RYR1: variants seen among roughly 807,000 people sequenced by gnomAD.
RYR1 encodes the protein central core disease of muscle.
Under a neutral mutation model 583.5 loss-of-function variants are expected in RYR1, and 342 were observed. The observed-to-expected ratio is 0.59, with a 90% confidence interval of 0.54 to 0.64. The LOEUF is 0.64. Ranked by LOEUF, RYR1 falls within the 30% of genes least tolerant of loss-of-function variation. The pLI is 0.00. For synonymous variants in RYR1, 2,791 were observed against 2,822.5 expected (o/e 0.99, Z 0.35); for missense variants, 6,032 against 6,917.2 (o/e 0.87, Z 4.54).
intron 20 of RYR1, among the ~76,000 whole-genome samples, chr19:38,461,131 G>A (rs755203929): frequency 2.0e-5 from 3 of 150,028 alleles, no homozygotes; most frequent in African/African-American, 7.4e-5. Context: ...TCCAGCCTGG[G>A]CAACAGAGTG....
chr19:38,584,117 C>G (rs1974339116), intron 101 of RYR1, among the ~76,000 whole-genome samples: 1 of 151,958 alleles, frequency 6.6e-6, no homozygotes, highest in African/African-American at 2.4e-5. Context: ...ACCTGATCAC[C>G]TAGGCTGGAT....
At chr19:38,439,016 C>T (rs1972553034) in intron 1 of RYR1, among the ~76,000 whole-genome samples, 1 of 151,922 alleles carries the variant, frequency 6.6e-6, no homozygotes, top group South Asian at 2.1e-4. Context: ...CCAGCCAAGG[C>T]AGGGATCTTG....
rs538324638 is a variant in RYR1 at position 38,502,804 on chromosome 19, C to A, written c.7836-76C>A. 7 of 862,020 alleles carry A rather than the reference C, an allele frequency of 8.1e-6. No homozygotes were observed. In the Admixed American group the frequency reaches 2.7e-4, roughly 33 times the overall value. The allele number at this position is 862,020 out of a possible 1,614,324, so 53.4% of individuals were successfully genotyped here. A position where few individuals can be genotyped will look rare whatever the true frequency, so the allele number is the denominator to read the frequency against. On this transcript the variant is annotated intron_variant, in intron 48 of 105. Transcript: ENST00000359596. ...GCAGGGGCAGGGGCAGGGGCAGGGG[C>A]AGGGGGAGGAGCAGGGGCAGGGGCA...
At position 38,565,713 on chromosome 19, in the gene RYR1, C is replaced by T. The variant is rs955320442; in HGVS notation, c.13379C>T (p.Thr4460Met). 2.9e-5 allele frequency: 42 copies of T among 1,426,144 alleles called. 1 individual carries two copies. In the Admixed American group the frequency reaches 5.3e-4, roughly 18 times the overall value. The allele number at this position is 1,426,144 out of a possible 1,614,324, so 88.3% of individuals were successfully genotyped here. The change falls in exon 91 of 106, where the codon ACG (threonine) becomes ATG (methionine). Residue 4460 changes from threonine to methionine, a missense_variant. Thr to Met is a moderately conservative substitution (Grantham distance 81, BLOSUM62 -1). Coordinates refer to ENST00000359596, the MANE Select transcript of RYR1 (RefSeq NM_000540.3). This position sits in a 1 kb window ranked among gnomAD's most constrained non-coding sequence, Gnocchi z 4.7. ...GGCGGTCTCGGGGACATGGGGGACACGACGCCTGCGGAACCGCCCACACCC... is the reference window on the plus strand; with the variant it reads ...GGCGGTCTCGGGGACATGGGGGACATGACGCCTGCGGAACCGCCCACACCC... ...GAGGLGDMGD[T>M]TPAEPPTPEG... is the part of the protein sequence containing the mutation.
chr19:38,444,128 C>T lies in RYR1; in HGVS notation c.425-21C>T. 1 of 1,597,976 alleles carries T rather than the reference C, an allele frequency of 6.3e-7. No homozygotes were observed. The highest frequency in any genetic ancestry group is 1.7e-5 in the Admixed American group (1 of 59,986). On this transcript the variant is annotated intron_variant, in intron 5 of 105. Transcript: ENST00000359596. The surrounding 1 kb of genome is among the most constrained non-coding windows in gnomAD (Gnocchi z 5.1). Reference sequence around the variant, plus strand: ...GGAAGCCATCATCTGACAGCCACCCCCATTCCATCCCCACCCATAGGAGAG... The same window carrying T: ...GGAAGCCATCATCTGACAGCCACCCTCATTCCATCCCCACCCATAGGAGAG...
intron 97 of RYR1, 99 bp downstream of exon 97, chr19:38,576,060 C>A: frequency 7.0e-7 from 1 of 1,432,350 alleles, no homozygotes; most frequent in Non-Finnish European, 9.8e-7. Flanking sequence ...TGACCTTGGG[C>A]AAGAGGTTTT....
intron 29 of RYR1, 65 bp downstream of exon 29, chr19:38,475,515 A>T: frequency 6.2e-7 from 1 of 1,602,782 alleles, no homozygotes. Context: ...TGAATTTCCA[A>T]GTTTAGTGTG....
intron 39 of RYR1, 114 bp downstream of exon 39, chr19:38,494,739 T>C (rs1469918139): frequency 7.5e-7 from 1 of 1,339,636 alleles, no homozygotes; most frequent in East Asian, 2.3e-5. Context: ...GTGATCTCAG[T>C]CTCTCGATGG....
chr19:38,468,884 A>ATATCTCTCCCTCCCTGCTTCCT, intron 25 of RYR1, 82 bp from the exon 26 acceptor site: 1 of 1,435,354 alleles, frequency 7.0e-7, no homozygotes, highest in Non-Finnish European at 9.7e-7. Context: ...CTGTCTTCAT[A>ATATCTCTCCCTCCCTGCTTCCT]TATCTCTCCC....
chr19:38,566,778 T>C (rs548392764), intron 91 of RYR1, 133 bp from the exon 92 acceptor site: 1 of 1,506,358 alleles, frequency 6.6e-7, no homozygotes, highest in South Asian at 1.2e-5. Context: ...AATCTGCCTC[T>C]TTCTGGTGGA....
Position 38,500,716 on chromosome 19 carries a change from C to A in RYR1, c.7434C>A (p.Thr2478=). The A allele has an allele frequency of 1.2e-6, 2 of 1,614,136 alleles. No homozygotes were observed. Among genetic ancestry groups the A allele is most frequent in the Middle Eastern group, 1.6e-4 (1 of 6,062 alleles). The change falls in exon 46 of 106, where the codon ACC becomes ACA. Residue 2478 remains threonine, a synonymous_variant. Coordinates refer to ENST00000359596, the MANE Select transcript of RYR1 (RefSeq NM_000540.3). This position sits in a 1 kb window ranked among gnomAD's most constrained non-coding sequence, Gnocchi z 5.9. ...TCAGCCTCCCACTGCAGATTCCCAC[C>A]CTGGGCAAAGGTGCAGAGGGGATGG... ...GIISLPLQIP[T]LGKDGALVQP... is the part of the protein sequence containing the mutation.
intron 2 of RYR1, among the ~76,000 whole-genome samples, chr19:38,442,052 G>T (rs1972712648): frequency 6.6e-6 from 1 of 151,830 alleles, no homozygotes. Context: ...GGCTTCCTAT[G>T]AGATTAGGTG....
chr19:38,523,167 C>G, intron 68 of RYR1, 50 bp from the exon 69 acceptor site: 3 of 1,614,118 alleles, frequency 1.9e-6, no homozygotes, highest in Non-Finnish European at 2.5e-6. Flanking sequence ...CCGCAGCCCA[C>G]AGGCGCCTGC....
intron 60 of RYR1, 128 bp from the exon 61 acceptor site, chr19:38,511,433 C>A: frequency 1.1e-6 from 1 of 936,666 alleles, no homozygotes. Flanking sequence ...ATCATTTGGA[C>A]CCCCTCCTGG....
At chr19:38,532,404 T>G in intron 76 of RYR1, 86 bp from the exon 77 acceptor site, 394 of 1,357,298 alleles carry the variant, frequency 2.9e-4, no homozygotes, top group Non-Finnish European at 3.8e-4. Context: ...ATTACAGGCA[T>G]GAGCCACCGC....
Position 38,551,025 on chromosome 19 carries a change from C to CTTT in RYR1, c.12282+2642_12282+2644dup, listed in dbSNP as rs71165560. Among the ~76,000 whole-genome samples the CTTT allele has an allele frequency of 4.6e-4, 19 of 41,358 alleles. 6 individuals are homozygous for CTTT. The highest frequency in any genetic ancestry group is 6.9e-4 in the Non-Finnish European group (15 of 21,656). 27.1% of individuals were successfully genotyped at this position (41,358 alleles called of 152,430 possible). On this transcript the variant is annotated intron_variant, in intron 89 of 105. Coordinates refer to ENST00000359596, the MANE Select transcript of RYR1 (RefSeq NM_000540.3). The stretch of plus-strand genomic sequence containing the variant: ...CATTTATATCAGTGTGGATTCACGG[C>CTTT]TTTTTTTTTTTTTTTTTTTTTTTTT...
intron 76 of RYR1, among the ~76,000 whole-genome samples, chr19:38,530,062 C>A (rs1037573047): frequency 2.6e-5 from 4 of 152,052 alleles, no homozygotes; most frequent in African/African-American, 9.7e-5. Flanking sequence ...TCACTGCAAC[C>A]TCCGCCTCCC....
intron 93 of RYR1, 72 bp downstream of exon 93, chr19:38,567,989 C>A: frequency 6.5e-7 from 1 of 1,544,038 alleles, no homozygotes; most frequent in Non-Finnish European, 8.9e-7. Flanking sequence ...ACCTCTCCTG[C>A]TCACCTTGTT....
rs1333084653 is a variant in RYR1, at chr19:38,528,288, C to T, written c.10825-18C>T. Reference sequence around the variant, plus strand: ...GGCAGGGTCTGGGGATGTGACTGTCCTGCTATCCCCTCCCCAGACCGAGCA... The same window carrying T: ...GGCAGGGTCTGGGGATGTGACTGTCTTGCTATCCCCTCCCCAGACCGAGCA... On this transcript the variant is annotated intron_variant, in intron 73 of 105. Coordinates refer to ENST00000359596, the MANE Select transcript of RYR1 (RefSeq NM_000540.3). The T allele has an allele frequency of 1.2e-6, 2 of 1,604,664 alleles. No individual in the cohort carries two copies. Among genetic ancestry groups the T allele is most frequent in the African/African-American group, 2.7e-5 (2 of 74,704 alleles).
Sources: gnomAD v4.1 joint callset for allele counts (sites outside exome capture counted in the v4.1 genomes callset) on GRCh38, gnomAD v4.1.1 for gene constraint, Gnocchi (gnomAD v3.1) non-coding constraint, MANE v1.5 for transcripts, NCBI Gene and HGNC (gene_info 2026-07-23, HGNC 2026-07-21) for gene names.